FIG4: variants seen among roughly 807,000 people sequenced by gnomAD.
FIG4 encodes the protein FIG4 phosphoinositide 5-phosphatase, also known as polyphosphoinositide phosphatase.
A neutral mutation model predicts 118.6 loss-of-function variants in FIG4; 112 were observed. The observed-to-expected ratio is 0.94, with a 90% CI of 0.81 to 1.11. The LOEUF (loss-of-function observed/expected upper bound fraction) is 1.11, where lower values mean the gene tolerates loss of function less well. Ranked by LOEUF, FIG4 falls within the 50% of genes least tolerant of loss-of-function variation. The pLI is 0.00. For synonymous variants in FIG4, 369 were observed against 381.2 expected (o/e 0.97, Z 0.37); for missense variants, 969 against 1,111.7 (o/e 0.87, Z 1.83).
intron 10 of FIG4, among the ~76,000 whole-genome samples, chr6:109,752,809 A>G (rs369014331): frequency 6.6e-6 from 1 of 152,086 alleles, no homozygotes; most frequent in Non-Finnish European, 1.5e-5. Context: ...CTCTGATGGT[A>G]GTTTCTTTTG....
intron 10 of FIG4, among the ~76,000 whole-genome samples, chr6:109,745,821 G>T (rs1776478264): frequency 6.6e-6 from 1 of 151,998 alleles, no homozygotes; most frequent in Non-Finnish European, 1.5e-5. Context: ...TTTGTATAAG[G>T]TGTAAGGAAG....
At chr6:109,772,518 G>A (rs935453882) in intron 15 of FIG4, among the ~76,000 whole-genome samples, 65 of 152,016 alleles carry the variant, frequency 4.3e-4, no homozygotes, top group African/African-American at 1.5e-3. Context: ...GTGCAATGGC[G>A]CAATCTCGGC....
chr6:109,751,615 A>G (rs1264814335), intron 10 of FIG4, among the ~76,000 whole-genome samples: 1 of 151,968 alleles, frequency 6.6e-6, no homozygotes, highest in Non-Finnish European at 1.5e-5. Context: ...TTATTCAGGG[A>G]TTTGACCTCT....
rs544125893 is a variant in FIG4 at position 109,821,092 on chromosome 6, C to T, written c.2547-3996C>T. On this transcript the variant is annotated intron_variant, in intron 22 of 22. Coordinates refer to ENST00000230124, the MANE Select transcript of FIG4 (RefSeq NM_014845.6). ...AAAGGGGCTGAGGCCGTCTGGGCCACATACAGTCTTGAACCCAAACGGCCA... is the reference window on the plus strand; with the variant it reads ...AAAGGGGCTGAGGCCGTCTGGGCCATATACAGTCTTGAACCCAAACGGCCA... Among the ~76,000 whole-genome samples the T allele has an allele frequency of 1.3e-3, 199 of 152,330 alleles. 4 individuals carry two copies. Among genetic ancestry groups the T allele is most frequent in the Admixed American group, 0.013 (195 of 15,310 alleles).
chr6:109,741,212 T>C (rs145884381), intron 7 of FIG4, among the ~76,000 whole-genome samples: 2 of 152,272 alleles, frequency 1.3e-5, no homozygotes, highest in East Asian at 3.9e-4. Flanking sequence ...CCATTTTCTC[T>C]GAAATTTATG....
intron 22 of FIG4, among the ~76,000 whole-genome samples, chr6:109,823,823 G>A (rs1779079992): frequency 6.6e-6 from 1 of 152,176 alleles, no homozygotes; most frequent in Non-Finnish European, 1.5e-5. Flanking sequence ...CTTTCCCTGT[G>A]TTATCTTGGG....
At chr6:109,736,109 T>A (rs1359591178) in intron 6 of FIG4, among the ~76,000 whole-genome samples, 1 of 152,138 alleles carries the variant, frequency 6.6e-6, no homozygotes, top group Non-Finnish European at 1.5e-5. Context: ...ACTTTAGTTG[T>A]GTTCAGCTGA....
chr6:109,825,225 C>T lies in FIG4; in HGVS notation c.2684C>T (p.Ser895Phe), dbSNP rs1438672931. The T allele has an allele frequency of 1.2e-6, 2 of 1,614,088 alleles. No homozygotes were observed. Among genetic ancestry groups the T allele is most frequent in the South Asian group, 1.1e-5 (1 of 91,086 alleles). ...GIMQPLGKED[S>F]SMYREYIRNR... ...ATGCAGCCCCTAGGAAAAGAGGACT[C>T]CTCCATGTACCGAGAGTACATCAGG... Residue 895 changes from serine (S) to phenylalanine (F), a missense_variant, in exon 23 of 23, where the codon TCC (serine) becomes TTC (phenylalanine). This residue lies in a region of FIG4 where 330 missense variants were observed against 348.1 expected (regional missense o/e 0.95). Coordinates refer to ENST00000230124, the MANE Select transcript of FIG4 (RefSeq NM_014845.6).
chr6:109,820,111 A>G (rs550485687), intron 22 of FIG4, among the ~76,000 whole-genome samples: 1 of 152,172 alleles, frequency 6.6e-6, no homozygotes, highest in Admixed American at 6.5e-5. Flanking sequence ...TACTGGTCCA[A>G]CTCTGTCCTC....
intron 14 of FIG4, among the ~76,000 whole-genome samples, chr6:109,765,419 A>G (rs1777253443): frequency 6.6e-6 from 1 of 152,176 alleles, no homozygotes; most frequent in East Asian, 1.9e-4. Context: ...TTCATTCTTC[A>G]GCATATGAAT....
intron 22 of FIG4, among the ~76,000 whole-genome samples, chr6:109,797,896 C>CA (rs11341028): frequency 0.013 from 1,011 of 78,740 alleles, 13 homozygotes; most frequent in Middle Eastern, 0.018. Flanking sequence ...ACTCCATCTC[C>CA]AAAAAAAAAA....
chr6:109,705,630 A>G (rs1775044138), intron 1 of FIG4, among the ~76,000 whole-genome samples: 1 of 152,146 alleles, frequency 6.6e-6, no homozygotes, highest in Non-Finnish European at 1.5e-5. Context: ...TGCCTTCCTA[A>G]GTATGTGTTT....
intron 22 of FIG4, among the ~76,000 whole-genome samples, chr6:109,812,111 C>T (rs1175792315): frequency 3.3e-5 from 5 of 152,048 alleles, no homozygotes; most frequent in East Asian, 1.9e-4. Context: ...TCTTCCCTTT[C>T]GCTTGTCACT....
At chr6:109,723,368 T>C (rs1427461936) in intron 3 of FIG4, among the ~76,000 whole-genome samples, 1 of 152,218 alleles carries the variant, frequency 6.6e-6, no homozygotes. Context: ...TGAACATTAA[T>C]GTATATGGCT....
At chr6:109,802,451 C>A (rs1171843464) in intron 22 of FIG4, among the ~76,000 whole-genome samples, 1 of 152,186 alleles carries the variant, frequency 6.6e-6, no homozygotes, top group Non-Finnish European at 1.5e-5. Context: ...AATGAAATAG[C>A]ACTGAACTGA....
intron 22 of FIG4, among the ~76,000 whole-genome samples, chr6:109,802,973 A>G (rs1027986253): frequency 6.6e-6 from 1 of 152,162 alleles, no homozygotes; most frequent in Non-Finnish European, 1.5e-5. Context: ...CATATCACGA[A>G]CGAGAGCTTT....
intron 21 of FIG4, among the ~76,000 whole-genome samples, chr6:109,792,961 G>C (rs1778180734): frequency 6.6e-6 from 1 of 152,106 alleles, no homozygotes; most frequent in Admixed American, 6.5e-5. Flanking sequence ...AAAGTGCTAA[G>C]ATTACAGGTG....
At chr6:109,744,501 T>C (rs1776422187) in intron 10 of FIG4, among the ~76,000 whole-genome samples, 3 of 152,068 alleles carry the variant, frequency 2.0e-5, no homozygotes, top group African/African-American at 2.4e-5. Flanking sequence ...TGTTATGTTA[T>C]GTGCTCTTGG....
chr6:109,706,715 G>T (rs574248672), intron 1 of FIG4, among the ~76,000 whole-genome samples: 1 of 152,260 alleles, frequency 6.6e-6, no homozygotes, highest in South Asian at 2.1e-4. Flanking sequence ...ACTGTGTTAG[G>T]TGCTTTGTGA....
Sources: gnomAD v4.1 joint callset for allele counts (sites outside exome capture counted in the v4.1 genomes callset) on GRCh38, gnomAD v4.1.1 for gene constraint, gnomAD v4.1.1 regional missense constraint, MANE v1.5 for transcripts, NCBI Gene and HGNC (gene_info 2026-07-23, HGNC 2026-07-21) for gene names.